CD46: variants seen among roughly 807,000 people sequenced by gnomAD.
CD46 encodes membrane cofactor protein.
In CD46, 30 loss-of-function variants were observed where a neutral mutation model predicts 53.3. The observed-to-expected ratio is 0.56, with a 90% CI of 0.42 to 0.76. CD46 has a LOEUF of 0.76. CD46 is among the 30% of genes least tolerant of loss of function. The probability of loss-of-function intolerance (pLI) is 0.00; values close to 1 mark genes in which losing one functional copy is unlikely to be tolerated. For missense variants in CD46, 409 were observed against 463.0 expected, an observed-to-expected ratio of 0.88 and a Z score of 1.07; for synonymous variants, 142 against 152.0, an observed-to-expected ratio of 0.93 and a Z score of 0.48.
chr1:207,771,418 A>G (rs534035864), intron 8 of CD46, among the ~76,000 whole-genome samples: 1 of 151,946 alleles, frequency 6.6e-6, no homozygotes, highest in South Asian at 2.1e-4. Context: ...CCATTTGTCT[A>G]TTTTGGCTTT....
At chr1:207,761,195 C>G in intron 4 of CD46, 54 bp from the exon 5 acceptor site, 1 of 1,148,914 alleles carries the variant, frequency 8.7e-7, no homozygotes, top group Non-Finnish European at 1.3e-6. Context: ...AGAAATTTTA[C>G]TAATGCTGTC....
intron 7 of CD46, 46 bp downstream of exon 7, chr1:207,767,869 C>T: frequency 1.4e-6 from 2 of 1,414,358 alleles, no homozygotes; most frequent in Non-Finnish European, 2.0e-6. Flanking sequence ...CCTTTAAATT[C>T]CTGGTGATTT....
At chr1:207,774,010 GGA>G (rs1191942880) in intron 8 of CD46, among the ~76,000 whole-genome samples, 2 of 152,048 alleles carry the variant, frequency 1.3e-5, no homozygotes, top group African/African-American at 4.8e-5. Flanking sequence ...TTATTGTGTG[GGA>G]GTCTATGTCT....
chr1:207,772,163 A>G lies in CD46; in HGVS notation c.943+1801A>G, dbSNP rs1657584230. Among the ~76,000 whole-genome samples the G allele has an allele frequency of 2.6e-5, 4 of 152,134 alleles. No individual in the cohort carries two copies. The South Asian group carries it at 8.3e-4, about 31-fold the overall frequency. On this transcript the variant is annotated intron_variant, in intron 8 of 12. Transcript: ENST00000367042. ...TAGGTATTTTATTCTCTTTGTAGCA[A>G]TTGTGAATGGGAATTCACTCATTAT... is the stretch of plus-strand genomic sequence containing the variant.
At chr1:207,773,255 C>A (rs1279260890) in intron 8 of CD46, among the ~76,000 whole-genome samples, 2 of 152,122 alleles carry the variant, frequency 1.3e-5, no homozygotes, top group African/African-American at 4.8e-5. Context: ...TCCCCTTTAT[C>A]ATTTTTTATT....
rs1194230415 is a variant in CD46, at chr1:207,793,633, T to C, written c.*156T>C. The C allele has an allele frequency of 6.7e-7, 1 of 1,492,936 alleles. No homozygotes were observed. Among genetic ancestry groups the C allele is most frequent in the Non-Finnish European group, 9.3e-7 (1 of 1,070,318 alleles). 92.5% of individuals were successfully genotyped at this position (1,492,936 alleles called of 1,614,324 possible). A position where few individuals can be genotyped will look rare whatever the true frequency, so the allele number is the denominator to read the frequency against. On this transcript the variant is annotated 3_prime_UTR_variant, in exon 13 of 13. Coordinates refer to ENST00000367042, the MANE Select transcript of CD46 (RefSeq NM_172351.3). ...GGTTTGCCAGTTCATCTTTTGACTC[T>C]ATTAAAATCTTCAATAGTTGTTATT... is the stretch of plus-strand genomic sequence containing the variant.
intron 8 of CD46, among the ~76,000 whole-genome samples, chr1:207,771,106 G>A (rs1004726792): frequency 1.3e-5 from 2 of 152,210 alleles, no homozygotes; most frequent in African/African-American, 4.8e-5. Flanking sequence ...ACTGGCGTGA[G>A]TGGTATCTCA....
At chr1:207,780,478 C>T (rs2102665118) in intron 8 of CD46, among the ~76,000 whole-genome samples, 1 of 151,994 alleles carries the variant, frequency 6.6e-6, no homozygotes, top group East Asian at 1.9e-4. Flanking sequence ...TTTGTTTTTA[C>T]CTTTTGGCTA....
intron 7 of CD46, chr1:207,769,770 T>G (rs1657265990): frequency 6.6e-6 from 1 of 152,198 alleles, no homozygotes; most frequent in Non-Finnish European, 1.5e-5. Context: ...ACATTCCCTT[T>G]TTTTTTTTTT....
At chr1:207,783,212 G>C (rs1232759611) in intron 8 of CD46, 80 bp from the exon 9 acceptor site, 2 of 754,670 alleles carry the variant, frequency 2.7e-6, no homozygotes, top group Non-Finnish European at 4.5e-6. Flanking sequence ...ATCACCCTAT[G>C]AGTTTAAAGG....
chr1:207,776,749 C>A (rs1435209583), intron 8 of CD46, among the ~76,000 whole-genome samples: 2 of 152,220 alleles, frequency 1.3e-5, no homozygotes, highest in Non-Finnish European at 2.9e-5. Flanking sequence ...CCACCTCAGC[C>A]TCCCAGGTAG....
intron 3 of CD46, among the ~76,000 whole-genome samples, chr1:207,758,296 A>C (rs1655795787): frequency 1.3e-5 from 2 of 152,194 alleles, no homozygotes; most frequent in African/African-American, 2.4e-5. Context: ...TTATAAAGAA[A>C]AGAAATGTAT....
chr1:207,779,921 T>TTTTTTTTTTTTTTG (rs1658555008), intron 8 of CD46, among the ~76,000 whole-genome samples: 1 of 145,958 alleles, frequency 6.9e-6, no homozygotes, highest in East Asian at 2.0e-4. Context: ...GTCTTTTTTT[T>TTTTTTTTTTTTTTG]TTTTTTTTTT....
intron 5 of CD46, among the ~76,000 whole-genome samples, chr1:207,761,662 A>T (rs759838698): frequency 5.3e-5 from 8 of 151,912 alleles, no homozygotes; most frequent in Non-Finnish European, 1.2e-4. Flanking sequence ...ATTTCATTTT[A>T]TACAGTGTGA....
chr1:207,757,264 T>C (rs904163899), intron 2 of CD46, 62 bp downstream of exon 2: 5 of 1,374,260 alleles, frequency 3.6e-6, no homozygotes, highest in Non-Finnish European at 5.1e-6. Context: ...CATTTTGGGG[T>C]ACATATTCCA....
chr1:207,792,548 C>T (rs1462946215), intron 12 of CD46, among the ~76,000 whole-genome samples: 1 of 152,158 alleles, frequency 6.6e-6, no homozygotes, highest in Non-Finnish European at 1.5e-5. Context: ...ACATGCTTAG[C>T]GTTCCAGTAA....
chr1:207,788,410 C>G (rs745637087), intron 11 of CD46, among the ~76,000 whole-genome samples: 57 of 150,836 alleles, frequency 3.8e-4, no homozygotes, highest in Admixed American at 1.1e-3. Flanking sequence ...CCCAGCTACT[C>G]TGGGAGGCTG....
intron 4 of CD46, chr1:207,760,983 C>T (rs528375251): frequency 2.4e-6 from 1 of 425,460 alleles, no homozygotes; most frequent in Non-Finnish European, 4.3e-6. Context: ...ATTTGACATG[C>T]GATTTGGTGG....
At chr1:207,784,666 G>C (rs1251878044) in intron 9 of CD46, among the ~76,000 whole-genome samples, 1 of 152,188 alleles carries the variant, frequency 6.6e-6, no homozygotes. Flanking sequence ...CTGAGACCGG[G>C]TAATTTATAA....
Sources: gnomAD v4.1 joint callset for allele counts (sites outside exome capture counted in the v4.1 genomes callset) on GRCh38, gnomAD v4.1.1 for gene constraint, MANE v1.5 for transcripts, NCBI Gene and HGNC (gene_info 2026-07-23, HGNC 2026-07-21) for gene names.